The following PCDHA2 variants were observed in gnomAD, a reference collection of about 807,000 sequenced individuals.
PCDHA2 encodes the protein protocadherin alpha-2.
A neutral mutation model predicts 66.0 loss-of-function variants in PCDHA2; 58 were observed. The ratio of observed to expected loss-of-function variants is 0.88; its 90% CI spans 0.71 to 1.09. PCDHA2 has a LOEUF of 1.09. PCDHA2 is among the 50% of genes least tolerant of loss of function. PCDHA2 has a pLI of 0.00. For synonymous variants in PCDHA2, 634 were observed against 554.0 expected, an observed-to-expected ratio of 1.14 and a Z score of -2.03; for missense variants, 1,267 against 1,242.3, an observed-to-expected ratio of 1.02 and a Z score of -0.30.
intron 1 of PCDHA2, among the ~76,000 whole-genome samples, chr5:140,888,814 T>C (rs1052564071): frequency 6.6e-6 from 1 of 152,126 alleles, no homozygotes; most frequent in Non-Finnish European, 1.5e-5. Context: ...TGATCTGTGA[T>C]CTGTGATCAC....
intron 1 of PCDHA2, among the ~76,000 whole-genome samples, chr5:140,908,903 C>T (rs116633080): frequency 2.5e-3 from 374 of 152,278 alleles, no homozygotes; most frequent in African/African-American, 8.5e-3. Context: ...AAGCCTCTTT[C>T]GTGGTTGTAG....
intron 1 of PCDHA2, chr5:140,803,411 G>C (rs782062306): frequency 2.5e-6 from 4 of 1,614,218 alleles, no homozygotes; most frequent in Non-Finnish European, 3.4e-6. Context: ...GCAAGCCCAC[G>C]CTGGTGTGCT....
chr5:140,830,469 A>G, intron 1 of PCDHA2: 1 of 1,570,730 alleles, frequency 6.4e-7, no homozygotes, highest in Non-Finnish European at 8.7e-7. Flanking sequence ...GATTTAAATG[A>G]AGATCATGAT....
chr5:140,809,605 G>T, intron 1 of PCDHA2: 1 of 1,524,890 alleles, frequency 6.6e-7, no homozygotes, highest in Admixed American at 2.2e-5. Context: ...TTTAATTTTC[G>T]TATTGTTTTT....
chr5:140,843,138 G>A lies in PCDHA2; in HGVS notation c.2388+45786G>A. The stretch of plus-strand genomic sequence containing the variant: ...GACGCCGACTCGGGCTACAACGCGT[G>A]GCTTTCGTATGAGCTGCAGCCAGCT... On this transcript the variant is annotated intron_variant, in intron 1 of 3. Coordinates refer to ENST00000526136, the MANE Select transcript of PCDHA2 (RefSeq NM_018905.3). 1.3e-6 allele frequency: 2 copies of A among 1,596,034 alleles called. 1 individual carries two copies. The highest frequency in any genetic ancestry group is 1.7e-6 in the Non-Finnish European group (2 of 1,165,594).
At chr5:140,911,338 A>G (rs1562979911) in intron 1 of PCDHA2, among the ~76,000 whole-genome samples, 1 of 152,040 alleles carries the variant, frequency 6.6e-6, no homozygotes, top group African/African-American at 2.4e-5. Context: ...TTTTCCAATC[A>G]ATGCCCTCAT....
Position 140,848,936 on chromosome 5 carries a change from G to A in PCDHA2, c.2388+51584G>A, listed in dbSNP as rs2150425486. ...ATCTGTTCATCGCGGAATCCAGGCC[G>A]CTTGACTCTCGGTTTCCACTAGAGG... is the stretch of plus-strand genomic sequence containing the variant. On this transcript the variant is annotated intron_variant, in intron 1 of 3. Coordinates refer to ENST00000526136, the MANE Select transcript of PCDHA2 (RefSeq NM_018905.3). 2.3e-5 allele frequency: 37 copies of A among 1,607,476 alleles called. No homozygotes were observed. The East Asian group carries it at 6.7e-4, about 29-fold the overall frequency.
intron 1 of PCDHA2, among the ~76,000 whole-genome samples, chr5:140,799,531 A>G (rs1762441975): frequency 6.6e-6 from 1 of 152,108 alleles, no homozygotes; most frequent in Non-Finnish European, 1.5e-5. Flanking sequence ...TTACTTCTTC[A>G]TAATATAGCA....
chr5:140,877,649 C>T (rs369703340), intron 1 of PCDHA2: 4 of 1,613,556 alleles, frequency 2.5e-6, no homozygotes, highest in Middle Eastern at 1.7e-4. Context: ...TGCTCAGCGC[C>T]GCCCACCGTG....
chr5:140,889,700 T>C (rs1554184005), intron 1 of PCDHA2, among the ~76,000 whole-genome samples: 1 of 152,200 alleles, frequency 6.6e-6, no homozygotes, highest in African/African-American at 2.4e-5. Context: ...TATGGGCATA[T>C]TCCACAAGTT....
chr5:140,916,743 G>C (rs1355752854), intron 1 of PCDHA2, among the ~76,000 whole-genome samples: 1 of 152,156 alleles, frequency 6.6e-6, no homozygotes, highest in African/African-American at 2.4e-5. Context: ...AAGCTTCACT[G>C]CCTGGGATTA....
intron 1 of PCDHA2, chr5:140,869,509 A>T (rs199564677): frequency 3.1e-6 from 5 of 1,614,206 alleles, no homozygotes; most frequent in Non-Finnish European, 3.4e-6. Context: ...GTTCTCGCTC[A>T]GAGAACAAAA....
chr5:140,938,761 G>A (rs1414324125), intron 1 of PCDHA2, among the ~76,000 whole-genome samples: 5 of 151,992 alleles, frequency 3.3e-5, no homozygotes, highest in Non-Finnish European at 7.4e-5. Flanking sequence ...CATAGTTATT[G>A]GGTACTAGAC....
intron 1 of PCDHA2, among the ~76,000 whole-genome samples, chr5:140,937,575 T>C (rs111558133): frequency 1.8e-3 from 268 of 149,140 alleles, no homozygotes; most frequent in African/African-American, 6.4e-3. Context: ...TGGGATCGCG[T>C]CACTGCACTC....
chr5:140,889,868 G>A (rs905154258), intron 1 of PCDHA2, among the ~76,000 whole-genome samples: 2 of 152,136 alleles, frequency 1.3e-5, no homozygotes, highest in African/African-American at 4.8e-5. Context: ...TTTGGGGGAA[G>A]CCTGCCACCA....
chr5:140,798,543 T>G (rs1158253474), intron 1 of PCDHA2, among the ~76,000 whole-genome samples: 1 of 152,222 alleles, frequency 6.6e-6, no homozygotes, highest in Non-Finnish European at 1.5e-5. Context: ...TCATTATCAT[T>G]AGGCCAATGT....
intron 3 of PCDHA2, among the ~76,000 whole-genome samples, chr5:140,999,132 T>TC (rs2153955890): frequency 6.6e-6 from 1 of 152,278 alleles, no homozygotes; most frequent in African/African-American, 2.4e-5. Context: ...CTGGAAAATG[T>TC]CACAGCCGGA....
chr5:140,801,367 C>A (rs542094254), intron 1 of PCDHA2: 55 of 1,613,426 alleles, frequency 3.4e-5, no homozygotes, highest in Middle Eastern at 1.8e-4. Context: ...CTGGAGCTGG[C>A]GGAGCTGGTG....
rs1554119521 is a variant in PCDHA2 at position 140,795,656 on chromosome 5, A to C, written c.692A>C (p.Lys231Thr). The change falls in exon 1 of 4, where the codon AAG (lysine) becomes ACG (threonine). Residue 231 changes from lysine to threonine, a missense_variant. Transcript: ENST00000526136. ...ACGGGCACCGTTCAAATACTTATTAAGGTATTAGATGTAAATGACAATGAA... is the reference window on the plus strand; with the variant it reads ...ACGGGCACCGTTCAAATACTTATTACGGTATTAGATGTAAATGACAATGAA... Reference protein sequence around the residue: ...ELTGTVQILIKVLDVNDNEPT... With the variant: ...ELTGTVQILITVLDVNDNEPT... The C allele has an allele frequency of 6.2e-7, 1 of 1,614,148 alleles. No individual in the cohort carries two copies. The highest frequency in any genetic ancestry group is 8.5e-7 in the Non-Finnish European group (1 of 1,180,030).
Sources: gnomAD v4.1 joint callset for allele counts (sites outside exome capture counted in the v4.1 genomes callset) on GRCh38, gnomAD v4.1.1 for gene constraint, MANE v1.5 for transcripts, NCBI Gene and HGNC (gene_info 2026-07-23, HGNC 2026-07-21) for gene names.